The following DNM3 variants were observed in gnomAD, a reference collection of about 807,000 sequenced individuals.
DNM3 encodes the protein dynamin 3.
Under a neutral mutation model 101.6 loss-of-function variants are expected in DNM3, and 47 were observed. That is an observed-to-expected ratio of 0.46 (90% confidence interval 0.37 to 0.59). The LOEUF is 0.59. Ranked by LOEUF, DNM3 falls within the 20% of genes least tolerant of loss-of-function variation. DNM3 has a pLI of 0.00. For synonymous variants in DNM3, 385 were observed against 387.9 expected, an observed-to-expected ratio of 0.99 and a Z score of 0.09; for missense variants, 849 against 1,085.7, an observed-to-expected ratio of 0.78 and a Z score of 3.06.
intron 2 of DNM3, among the ~76,000 whole-genome samples, chr1:171,933,267 A>G (rs1394333252): frequency 6.6e-6 from 1 of 152,198 alleles, no homozygotes; most frequent in Non-Finnish European, 1.5e-5. Flanking sequence ...TGGGGGAAAG[A>G]AGCGATCTGG....
At chr1:171,999,052 G>T (rs2046199499) in intron 4 of DNM3, among the ~76,000 whole-genome samples, 1 of 152,076 alleles carries the variant, frequency 6.6e-6, no homozygotes, top group Non-Finnish European at 1.5e-5. Flanking sequence ...AGCCAGTGGA[G>T]GGTTTTAAGA....
chr1:171,944,864 T>TTTTTTTTTTTTTTTTTTTTTTTTTTGG lies in DNM3; in HGVS notation c.235+23060_235+23061insTTTTTTTTGGTTTTTTTTTTTTTTTTT. Among the ~76,000 whole-genome samples the TTTTTTTTTTTTTTTTTTTTTTTTTTGG allele has an allele frequency of 1.7e-5, 2 of 116,612 alleles. 1 individual carries two copies. The allele number at this position is 116,612 out of a possible 152,430, so 76.5% of individuals were successfully genotyped here. On this transcript the variant is annotated intron_variant, in intron 2 of 20. Transcript: ENST00000627582. The stretch of plus-strand genomic sequence containing the variant: ...TTTTTTTTGGTGTTTCCTTTTTTTT[T>TTTTTTTTTTTTTTTTTTTTTTTTTTGG]TTTTTTTTTTTTTTTTTGAGGCAGG...
chr1:172,198,215 TAAAAACAAG>T (rs1418189441), intron 14 of DNM3, among the ~76,000 whole-genome samples: 1 of 151,956 alleles, frequency 6.6e-6, no homozygotes, highest in Non-Finnish European at 1.5e-5. Context: ...ATTTAGCAAA[TAAAAACAAG>T]TCTGCTTATA....
rs572595101 is a variant in DNM3 at position 172,329,290 on chromosome 1, C to T, written c.1893+5950C>T. Among the ~76,000 whole-genome samples the T allele has an allele frequency of 2.0e-5, 3 of 152,050 alleles. No individual in the cohort carries two copies. In the South Asian group the frequency reaches 6.2e-4, roughly 32 times the overall value. On this transcript the variant is annotated intron_variant, in intron 17 of 20. Transcript: ENST00000627582. ...TGAATATTGAATGTCTGGTAAAATA[C>T]AGAAAACTAGAGCTGTATAGAAAAA...
At chr1:172,380,431 C>T (rs1287035185) in intron 18 of DNM3, among the ~76,000 whole-genome samples, 1 of 152,068 alleles carries the variant, frequency 6.6e-6, no homozygotes, top group African/African-American at 2.4e-5. Context: ...CTCATGTGAA[C>T]AATCTTATTT....
At chr1:172,401,918 C>T (rs1301100082) in intron 20 of DNM3, among the ~76,000 whole-genome samples, 2 of 152,026 alleles carry the variant, frequency 1.3e-5, no homozygotes, top group Non-Finnish European at 2.9e-5. Flanking sequence ...TACAGTGTCC[C>T]AAAATTTGTT....
intron 15 of DNM3, among the ~76,000 whole-genome samples, chr1:172,292,003 A>T (rs2063937348): frequency 6.6e-6 from 1 of 152,210 alleles, no homozygotes; most frequent in Non-Finnish European, 1.5e-5. Context: ...AATAATGCTA[A>T]ACAAAATTTA....
At chr1:171,997,266 T>C (rs1224320951) in intron 4 of DNM3, among the ~76,000 whole-genome samples, 2 of 152,150 alleles carry the variant, frequency 1.3e-5, no homozygotes, top group African/African-American at 2.4e-5. Context: ...AGAATTGTAA[T>C]AGAATTATTT....
At chr1:172,345,473 A>G (rs2066884896) in intron 17 of DNM3, among the ~76,000 whole-genome samples, 1 of 152,208 alleles carries the variant, frequency 6.6e-6, no homozygotes, top group South Asian at 2.1e-4. Context: ...GCACATCAAA[A>G]TGGAAAGTAG....
chr1:171,862,738 T>C (rs2034309223), intron 1 of DNM3, among the ~76,000 whole-genome samples: 1 of 152,174 alleles, frequency 6.6e-6, no homozygotes, highest in South Asian at 2.1e-4. Context: ...CTTTAAATTA[T>C]ATCTCAATTA....
At chr1:172,198,883 A>G (rs1161539694) in intron 14 of DNM3, among the ~76,000 whole-genome samples, 1 of 151,838 alleles carries the variant, frequency 6.6e-6, no homozygotes, top group Non-Finnish European at 1.5e-5. Context: ...GTTCTTTTGA[A>G]TGGTCTTTTG....
chr1:171,941,183 A>G (rs2041785947), intron 2 of DNM3, among the ~76,000 whole-genome samples: 1 of 152,176 alleles, frequency 6.6e-6, no homozygotes, highest in Non-Finnish European at 1.5e-5. Context: ...ACATATGACA[A>G]AGTGCTTACA....
intron 1 of DNM3, among the ~76,000 whole-genome samples, chr1:171,913,595 T>C (rs1232942416): frequency 6.6e-6 from 1 of 152,158 alleles, no homozygotes; most frequent in Non-Finnish European, 1.5e-5. Context: ...AATAGCACCA[T>C]TGTGTTCAGG....
Position 172,090,625 on chromosome 1 carries a change from T to C in DNM3, c.1494-2199T>C, listed in dbSNP as rs369358074. Among the ~76,000 whole-genome samples the C allele has an allele frequency of 1.2e-3, 185 of 152,250 alleles. No homozygotes were observed. In the Middle Eastern group the frequency reaches 0.014, roughly 11 times the overall value. The stretch of plus-strand genomic sequence containing the variant: ...GCAAATTTTAAATTGGAAAAAAATA[T>C]ATACACAAAATATTTTTAGCAACCA... On this transcript the variant is annotated intron_variant, in intron 12 of 20. Transcript: ENST00000627582.
chr1:171,957,704 G>A (rs61805814), intron 2 of DNM3, among the ~76,000 whole-genome samples: 3 of 152,116 alleles, frequency 2.0e-5, no homozygotes, highest in Non-Finnish European at 4.4e-5. Context: ...ACAAAATGCT[G>A]CCAGTCTCTG....
intron 14 of DNM3, among the ~76,000 whole-genome samples, chr1:172,215,232 G>A (rs1474072045): frequency 2.0e-5 from 3 of 152,018 alleles, no homozygotes; most frequent in Non-Finnish European, 4.4e-5. Flanking sequence ...CTTTTGAATA[G>A]CAACTTGAAT....
intron 13 of DNM3, among the ~76,000 whole-genome samples, chr1:172,116,121 T>A (rs576456448): frequency 1.3e-5 from 2 of 152,386 alleles, no homozygotes; most frequent in South Asian, 4.1e-4. Flanking sequence ...AGTGTTCTGA[T>A]AATATTAATG....
In DNM3 at chr1:172,410,157, T is replaced by C; in HGVS notation, c.*2316T>C. On this transcript the variant is annotated 3_prime_UTR_variant, in exon 21 of 21. Coordinates refer to ENST00000627582, the MANE Select transcript of DNM3 (RefSeq NM_015569.5). ...TCAGCAGTGACATTGGAGAATATTT[T>C]TAATTTGCTGCAGTACTATGTCATA... The C allele has an allele frequency of 1.0e-6, 1 of 985,386 alleles. No homozygotes were observed. Among genetic ancestry groups the C allele is most frequent in the Non-Finnish European group, 1.2e-6 (1 of 829,870 alleles). The allele number at this position is 985,386 out of a possible 1,614,324, so 61.0% of individuals were successfully genotyped here. A position where few individuals can be genotyped will look rare whatever the true frequency, so the allele number is the denominator to read the frequency against.
At chr1:171,976,550 G>A (rs1024231427) in intron 2 of DNM3, among the ~76,000 whole-genome samples, 7 of 152,130 alleles carry the variant, frequency 4.6e-5, no homozygotes, top group African/African-American at 1.7e-4. Context: ...CTCCCACTGG[G>A]TCCCTCCCAT....
Sources: gnomAD v4.1 joint callset for allele counts (sites outside exome capture counted in the v4.1 genomes callset) on GRCh38, gnomAD v4.1.1 for gene constraint, MANE v1.5 for transcripts, NCBI Gene and HGNC (gene_info 2026-07-23, HGNC 2026-07-21) for gene names.